The following RSPRY1 variants were observed in gnomAD, a reference collection of about 807,000 sequenced individuals.
The protein encoded by RSPRY1 is RING finger and SPRY domain-containing protein 1.
A neutral mutation model predicts 73.1 loss-of-function variants in RSPRY1; 23 were observed. The ratio of observed to expected loss-of-function variants is 0.31; its 90% confidence interval spans 0.23 to 0.45. The LOEUF is 0.45. Among genes scored for constraint, RSPRY1 ranks in the 20% least tolerant of loss-of-function variants. RSPRY1 has a pLI of 1.00. For missense variants in RSPRY1, 448 were observed against 698.7 expected, an observed-to-expected ratio of 0.64 and a Z score of 4.05; for synonymous variants, 226 against 251.4, an observed-to-expected ratio of 0.90 and a Z score of 0.95.
At chr16:57,214,122 G>GGT (rs1445236457) in intron 6 of RSPRY1, among the ~76,000 whole-genome samples, 176 bp downstream of exon 6, 8 of 152,196 alleles carry the variant, frequency 5.3e-5, no homozygotes, top group Admixed American at 5.2e-4. Context: ...GTTTAAAAAA[G>GGT]AGAGTGGGAT....
intron 1 of RSPRY1, among the ~76,000 whole-genome samples, chr16:57,194,024 C>T (rs1381720079): frequency 1.3e-5 from 2 of 151,674 alleles, no homozygotes; most frequent in African/African-American, 4.9e-5. Context: ...TGGGATCACA[C>T]CAGTGCACTC....
At chr16:57,226,355 T>C (rs1479780242) in intron 10 of RSPRY1, among the ~76,000 whole-genome samples, 1 of 152,180 alleles carries the variant, frequency 6.6e-6, no homozygotes, top group Admixed American at 6.5e-5. Flanking sequence ...ATAAAGTGTT[T>C]TCACAAGTTT....
intron 10 of RSPRY1, 99 bp from the exon 11 acceptor site, chr16:57,227,243 A>G: frequency 2.6e-6 from 2 of 772,126 alleles, no homozygotes; most frequent in East Asian, 5.2e-5. Flanking sequence ...GAAAGCTTAG[A>G]ATCCCAGCCA....
At chr16:57,203,945 C>G (rs2074674286) in intron 1 of RSPRY1, among the ~76,000 whole-genome samples, 1 of 152,154 alleles carries the variant, frequency 6.6e-6, no homozygotes. Context: ...GAGTGAGCTT[C>G]CAATGGGAAA....
chr16:57,216,069 A>ATT (rs11391063), intron 6 of RSPRY1, 38 bp from the exon 7 acceptor site: 27,446 of 1,196,094 alleles, frequency 0.023, 25 homozygotes, highest in Admixed American at 0.03. Flanking sequence ...CAGGGGAATG[A>ATT]TTTTTTTTTT....
In RSPRY1 at chr16:57,196,330, A is replaced by T. The variant is rs556818930; in HGVS notation, c.-155-8174A>T. Among the ~76,000 whole-genome samples, 7 of 152,270 alleles carry T rather than the reference A, an allele frequency of 4.6e-5. No individual in the cohort carries two copies. In the East Asian group the frequency reaches 1.3e-3, roughly 29 times the overall value. ...AGATAGTCTCAGTTCATTTTACTGG[A>T]CAAGGAAATTAACATTTTTGACCCA... On this transcript the variant is annotated intron_variant, in intron 1 of 14. Coordinates refer to ENST00000394420, the MANE Select transcript of RSPRY1 (RefSeq NM_133368.3).
chr16:57,205,259 C>G (rs1397981100), intron 2 of RSPRY1: 1 of 463,984 alleles, frequency 2.2e-6, no homozygotes, highest in Non-Finnish European at 3.9e-6. Context: ...AAGCTATGAT[C>G]TTTATTAGAG....
chr16:57,240,369 T>A lies in RSPRY1; in HGVS notation c.*1394T>A, dbSNP rs1278814699. On this transcript the variant is annotated 3_prime_UTR_variant, in exon 15 of 15. Coordinates refer to ENST00000394420, the MANE Select transcript of RSPRY1 (RefSeq NM_133368.3). ...CACACACACACACACAAAAAATATA[T>A]ATATATATAAATATATATGTAGGAT... is the stretch of plus-strand genomic sequence containing the variant. 1 of 151,380 alleles carries A rather than the reference T, an allele frequency of 6.6e-6. No individual in the cohort carries two copies. The highest frequency in any genetic ancestry group is 1.5e-5 in the Non-Finnish European group (1 of 67,864). 9.4% of individuals were successfully genotyped at this position (151,380 alleles called of 1,614,324 possible).
chr16:57,233,440 C>T (rs1357268280), intron 13 of RSPRY1, among the ~76,000 whole-genome samples: 1 of 152,046 alleles, frequency 6.6e-6, no homozygotes, highest in African/African-American at 2.4e-5. Flanking sequence ...GGCACAATCT[C>T]AGGTCATTGC....
At chr16:57,235,891 A>G (rs967338175) in intron 14 of RSPRY1, among the ~76,000 whole-genome samples, 4 of 152,186 alleles carry the variant, frequency 2.6e-5, no homozygotes, top group Non-Finnish European at 1.5e-5. Context: ...TGATGAACCC[A>G]GTTTGTCATC....
intron 1 of RSPRY1, 148 bp from the exon 2 acceptor site, chr16:57,204,356 C>A: frequency 1.1e-5 from 3 of 284,042 alleles, no homozygotes; most frequent in East Asian, 6.9e-5. Context: ...TTATCCAAAG[C>A]TATCTCTTTG....
At chr16:57,234,521 GC>G (rs2075273054) in intron 13 of RSPRY1, among the ~76,000 whole-genome samples, 1 of 152,206 alleles carries the variant, frequency 6.6e-6, no homozygotes, top group South Asian at 2.1e-4. Flanking sequence ...TTGGAACAGT[GC>G]CTGGCACACA....
At chr16:57,191,176 C>T (rs1281024328) in intron 1 of RSPRY1, among the ~76,000 whole-genome samples, 2 of 152,168 alleles carry the variant, frequency 1.3e-5, no homozygotes, top group Non-Finnish European at 2.9e-5. Context: ...CCCTCTACCT[C>T]CTGAAGAATT....
chr16:57,231,348 A>G, intron 13 of RSPRY1, 29 bp downstream of exon 13: 1 of 1,577,794 alleles, frequency 6.3e-7, no homozygotes, highest in Non-Finnish European at 8.6e-7. Flanking sequence ...CTATCTCCAG[A>G]CTTTCACATG....
intron 4 of RSPRY1, among the ~76,000 whole-genome samples, chr16:57,209,736 C>T (rs1261912688): frequency 6.6e-6 from 1 of 152,104 alleles, no homozygotes; most frequent in Non-Finnish European, 1.5e-5. Context: ...TGCAGTAGAG[C>T]AATCACAGCT....
At chr16:57,231,385 T>C in intron 13 of RSPRY1, 66 bp downstream of exon 13, 1 of 1,438,046 alleles carries the variant, frequency 7.0e-7, no homozygotes, top group Non-Finnish European at 9.5e-7. Flanking sequence ...AAACAATTTA[T>C]AATCAACGTT....
At chr16:57,209,026 A>G in intron 3 of RSPRY1, 49 bp from the exon 4 acceptor site, 1 of 1,262,404 alleles carries the variant, frequency 7.9e-7, no homozygotes, top group Non-Finnish European at 1.1e-6. Flanking sequence ...ATATTTTCAC[A>G]TTTTAAAAAT....
chr16:57,204,596 A>G lies in RSPRY1; in HGVS notation c.-63A>G. On this transcript the variant is annotated 5_prime_UTR_variant, in exon 2 of 15. It adds an upstream start codon to the 5' untranslated region. Coordinates refer to ENST00000394420, the MANE Select transcript of RSPRY1 (RefSeq NM_133368.3). Reference sequence around the variant, plus strand: ...TGGCATTCAGTTGTTAAAAACAAATAGGATGCAAATTCCTCAACTCCAGGT... The same window carrying G: ...TGGCATTCAGTTGTTAAAAACAAATGGGATGCAAATTCCTCAACTCCAGGT... 1 of 1,449,134 alleles carries G rather than the reference A, an allele frequency of 6.9e-7. No homozygotes were observed. The highest frequency in any genetic ancestry group is 9.5e-7 in the Non-Finnish European group (1 of 1,050,784). 89.8% of individuals were successfully genotyped at this position (1,449,134 alleles called of 1,614,324 possible).
At chr16:57,195,641 G>A (rs1344674894) in intron 1 of RSPRY1, among the ~76,000 whole-genome samples, 1 of 151,814 alleles carries the variant, frequency 6.6e-6, no homozygotes, top group Non-Finnish European at 1.5e-5. Flanking sequence ...TGTCACAGAT[G>A]TGTATTTAAA....
Sources: gnomAD v4.1 joint callset for allele counts (sites outside exome capture counted in the v4.1 genomes callset) on GRCh38, gnomAD v4.1.1 for gene constraint, MANE v1.5 for transcripts, NCBI Gene and HGNC (gene_info 2026-07-23, HGNC 2026-07-21) for gene names.